RPS6KA5: variants seen among roughly 807,000 people sequenced by gnomAD.
RPS6KA5 encodes ribosomal protein S6 kinase A5, also known as ribosomal protein S6 kinase alpha-5.
RPS6KA5 carries 27 observed loss-of-function variants against 85.5 expected under a neutral mutation model. The ratio of observed to expected loss-of-function variants is 0.32; its 90% confidence interval spans 0.23 to 0.44. The LOEUF is 0.44. Ranked by LOEUF, RPS6KA5 falls within the 20% of genes least tolerant of loss-of-function variation. RPS6KA5 has a pLI of 1.00. For missense variants in RPS6KA5, 811 were observed against 980.9 expected, an observed-to-expected ratio of 0.83 and a Z score of 2.31; for synonymous variants, 334 against 348.2, an observed-to-expected ratio of 0.96 and a Z score of 0.46.
At chr14:91,059,213 G>A (rs1475271422) in intron 1 of RPS6KA5, among the ~76,000 whole-genome samples, 1 of 140,282 alleles carries the variant, frequency 7.1e-6, no homozygotes, top group Non-Finnish European at 1.5e-5. Context: ...GGTGGCGCAT[G>A]CCTGTAATCC....
Position 90,849,417 on chromosome 14 carries a change from A to C in RPS6KA5, c.*22657T>G, listed in dbSNP as rs1595074165. ...TTGGTTGGTAATTCTTCTGCCTGACAGGCTGCCTTGGGCTACTACACAGCT... is the reference window on the plus strand; with the variant it reads ...TTGGTTGGTAATTCTTCTGCCTGACCGGCTGCCTTGGGCTACTACACAGCT... On this transcript the variant is annotated 3_prime_UTR_variant, in exon 17 of 17. Transcript: ENST00000614987. The C allele has an allele frequency of 6.6e-6, 1 of 152,256 alleles. No individual in the cohort carries two copies. The highest frequency in any genetic ancestry group is 2.4e-5 in the African/African-American group (1 of 41,458). The allele number at this position is 152,256 out of a possible 1,614,324, so 9.4% of individuals were successfully genotyped here. A position where few individuals can be genotyped will look rare whatever the true frequency, so the allele number is the denominator to read the frequency against.
At chr14:90,957,823 T>G (rs1351938611) in intron 3 of RPS6KA5, among the ~76,000 whole-genome samples, 2 of 152,114 alleles carry the variant, frequency 1.3e-5, no homozygotes, top group African/African-American at 2.4e-5. Flanking sequence ...TCCTTTGTTT[T>G]TTTTTTTTCC....
At chr14:90,974,564 G>A (rs972046587) in intron 3 of RPS6KA5, among the ~76,000 whole-genome samples, 1 of 152,204 alleles carries the variant, frequency 6.6e-6, no homozygotes, top group Non-Finnish European at 1.5e-5. Flanking sequence ...GGCTCAGGAG[G>A]CCCTGCAGCC....
At chr14:90,939,016 C>A (rs1190314498) in intron 5 of RPS6KA5, among the ~76,000 whole-genome samples, 2 of 152,176 alleles carry the variant, frequency 1.3e-5, no homozygotes, top group Admixed American at 6.5e-5. Flanking sequence ...ATTTTCCGAA[C>A]TTTTATGCTC....
intron 5 of RPS6KA5, among the ~76,000 whole-genome samples, chr14:90,939,867 G>T (rs1460855492): frequency 6.6e-6 from 1 of 152,150 alleles, no homozygotes; most frequent in Non-Finnish European, 1.5e-5. Flanking sequence ...GGATGGAGCA[G>T]AAAGAAACTT....
intron 3 of RPS6KA5, among the ~76,000 whole-genome samples, chr14:90,969,861 T>C (rs1157159425): frequency 6.6e-6 from 1 of 151,602 alleles, no homozygotes; most frequent in African/African-American, 2.4e-5. Flanking sequence ...TCTCTTTTTT[T>C]CTCTCTCTCT....
chr14:90,907,968 T>C (rs996494877), intron 7 of RPS6KA5, among the ~76,000 whole-genome samples: 1 of 152,200 alleles, frequency 6.6e-6, no homozygotes, highest in Non-Finnish European at 1.5e-5. Flanking sequence ...AATTGTGACA[T>C]TTACTTTTGT....
At chr14:91,025,191 C>T (rs1382645118) in intron 1 of RPS6KA5, among the ~76,000 whole-genome samples, 3 of 152,112 alleles carry the variant, frequency 2.0e-5, no homozygotes, top group Non-Finnish European at 2.9e-5. Context: ...ACTACAGGCG[C>T]CTGCCACCAT....
intron 3 of RPS6KA5, among the ~76,000 whole-genome samples, chr14:90,949,167 A>G (rs1168914594): frequency 2.0e-5 from 3 of 152,146 alleles, no homozygotes; most frequent in Non-Finnish European, 4.4e-5. Flanking sequence ...TTCCTACCTT[A>G]TTTTACTTAA....
chr14:90,966,415 T>C (rs1368167282), intron 3 of RPS6KA5, among the ~76,000 whole-genome samples: 1 of 152,194 alleles, frequency 6.6e-6, no homozygotes, highest in African/African-American at 2.4e-5. Flanking sequence ...CATAGAATAC[T>C]AACCCTTTCT....
At chr14:90,998,303 C>A (rs975210335) in intron 2 of RPS6KA5, among the ~76,000 whole-genome samples, 1 of 152,130 alleles carries the variant, frequency 6.6e-6, no homozygotes, top group Non-Finnish European at 1.5e-5. Flanking sequence ...AATTGCTGCA[C>A]AACTTTGTGA....
chr14:90,887,671 AT>A (rs1248908303), intron 14 of RPS6KA5, among the ~76,000 whole-genome samples: 1 of 152,124 alleles, frequency 6.6e-6, no homozygotes, highest in Non-Finnish European at 1.5e-5. Flanking sequence ...TAGAATTTAA[AT>A]TAAGCTGGGC....
rs530310249 is a variant in RPS6KA5, at chr14:90,870,389, G to C, written c.*1685C>G. On this transcript the variant is annotated 3_prime_UTR_variant, in exon 17 of 17. Transcript: ENST00000614987. ...AACTCAATATTATGTAGCCATTTGG[G>C]CCAGCAAAAAGTGTAAAATATTATT... 1.4e-3 allele frequency: 207 copies of C among 152,136 alleles called. No individual in the cohort carries two copies. The highest frequency in any genetic ancestry group is 4.8e-3 in the African/African-American group (201 of 41,500). 9.4% of individuals were successfully genotyped at this position (152,136 alleles called of 1,614,324 possible).
intron 2 of RPS6KA5, among the ~76,000 whole-genome samples, chr14:90,986,054 T>C (rs1227224994): frequency 6.6e-6 from 1 of 152,198 alleles, no homozygotes. Flanking sequence ...TAGTTCTCAC[T>C]CTAAAGAACC....
intron 2 of RPS6KA5, among the ~76,000 whole-genome samples, chr14:90,992,493 T>C (rs2040352283): frequency 6.6e-6 from 1 of 152,216 alleles, no homozygotes; most frequent in Non-Finnish European, 1.5e-5. Context: ...ATTCAATGTG[T>C]TGAAAGAAAA....
intron 1 of RPS6KA5, among the ~76,000 whole-genome samples, chr14:91,036,165 A>G (rs2042403037): frequency 6.6e-6 from 1 of 152,196 alleles, no homozygotes; most frequent in Non-Finnish European, 1.5e-5. Context: ...ATGGATGGGC[A>G]TGTGCATGGC....
At chr14:90,931,965 T>C (rs1174571315) in intron 5 of RPS6KA5, among the ~76,000 whole-genome samples, 2 of 152,260 alleles carry the variant, frequency 1.3e-5, no homozygotes, top group Non-Finnish European at 2.9e-5. Flanking sequence ...GGTAATAGTA[T>C]ATATTGTTTA....
intron 2 of RPS6KA5, 67 bp downstream of exon 2, chr14:91,001,021 C>T (rs921890173): frequency 1.1e-6 from 1 of 876,302 alleles, no homozygotes; most frequent in Admixed American, 2.3e-5. Flanking sequence ...TTGGGGATAT[C>T]AATCCTTCAT....
intron 8 of RPS6KA5, among the ~76,000 whole-genome samples, chr14:90,903,654 C>T (rs1459899561): frequency 6.6e-6 from 1 of 152,316 alleles, no homozygotes; most frequent in East Asian, 1.9e-4. Context: ...TACTGAAATC[C>T]AACCCTTTGC....
Sources: allele counts gnomAD v4.1 joint callset (sites outside exome capture counted in the v4.1 genomes callset), GRCh38; gene constraint gnomAD v4.1.1; transcripts MANE v1.5; gene names NCBI Gene and HGNC (gene_info 2026-07-23, HGNC 2026-07-21).